PARD3B: variants seen among roughly 807,000 people sequenced by gnomAD.
PARD3B encodes par-3 family cell polarity regulator beta, also known as partitioning defective 3 homolog B.
Under a neutral mutation model 130.2 loss-of-function variants are expected in PARD3B, and 103 were observed. That is an observed-to-expected ratio of 0.79 (90% CI 0.67 to 0.93). PARD3B has a LOEUF of 0.93. Among genes scored for constraint, PARD3B ranks in the 40% least tolerant of loss-of-function variants. The probability of loss-of-function intolerance (pLI) is 0.00; values close to 1 mark genes in which losing one functional copy is unlikely to be tolerated. For synonymous variants in PARD3B, 583 were observed against 553.2 expected, an observed-to-expected ratio of 1.05 and a Z score of -0.76; for missense variants, 1,609 against 1,499.2, an observed-to-expected ratio of 1.07 and a Z score of -1.21.
At chr2:205,138,059 A>G (rs1367857859) in intron 10 of PARD3B, among the ~76,000 whole-genome samples, 2 of 152,196 alleles carry the variant, frequency 1.3e-5, no homozygotes, top group African/African-American at 2.4e-5. Flanking sequence ...GCACTGTTCT[A>G]TAGCCGAATA....
At chr2:204,777,777 CTCTGTATCCCTACCCAAA>C (rs2041684183) in intron 2 of PARD3B, among the ~76,000 whole-genome samples, 1 of 152,070 alleles carries the variant, frequency 6.6e-6, no homozygotes, top group Admixed American at 6.6e-5. Context: ...TATGCTTTGG[CTCTGTATCCCTACCCAAA>C]TCTCATCTTG....
chr2:205,111,493 A>G (rs1169471312), intron 5 of PARD3B, among the ~76,000 whole-genome samples: 1 of 152,088 alleles, frequency 6.6e-6, no homozygotes, highest in East Asian at 1.9e-4. Flanking sequence ...ATTAATGATT[A>G]CTAAAGAGTA....
chr2:204,566,175 A>T (rs2031659754), intron 1 of PARD3B, among the ~76,000 whole-genome samples: 1 of 152,210 alleles, frequency 6.6e-6, no homozygotes. Context: ...TTTAAGCACC[A>T]GTGTTTATTT....
intron 22 of PARD3B, among the ~76,000 whole-genome samples, chr2:205,555,085 A>T (rs1324993877): frequency 6.6e-6 from 1 of 152,166 alleles, no homozygotes; most frequent in Non-Finnish European, 1.5e-5. Context: ...AAGTATATGG[A>T]AATTGTGGTT....
At chr2:205,044,167 G>A (rs1207893188) in intron 3 of PARD3B, among the ~76,000 whole-genome samples, 1 of 151,908 alleles carries the variant, frequency 6.6e-6, no homozygotes, top group African/African-American at 2.4e-5. Flanking sequence ...AGTATTCCAT[G>A]GTGTATACGT....
intron 19 of PARD3B, among the ~76,000 whole-genome samples, chr2:205,439,874 C>A (rs987261381): frequency 6.6e-6 from 1 of 152,160 alleles, no homozygotes; most frequent in Non-Finnish European, 1.5e-5. Flanking sequence ...CTCTGTATTT[C>A]TTTTTCATAT....
chr2:204,996,750 C>G (rs1694223989), intron 3 of PARD3B, among the ~76,000 whole-genome samples: 1 of 149,426 alleles, frequency 6.7e-6, no homozygotes, highest in Non-Finnish European at 1.5e-5. Flanking sequence ...GGGCGTAGGA[C>G]CCTCCGAGCC....
chr2:205,071,780 T>C (rs1700747205), intron 4 of PARD3B, among the ~76,000 whole-genome samples: 1 of 152,186 alleles, frequency 6.6e-6, no homozygotes, highest in Non-Finnish European at 1.5e-5. Flanking sequence ...ATTATTGTTA[T>C]CCAGAATTTC....
intron 15 of PARD3B, among the ~76,000 whole-genome samples, chr2:205,225,544 A>G (rs1239826951): frequency 6.6e-6 from 1 of 152,148 alleles, no homozygotes; most frequent in Non-Finnish European, 1.5e-5. Context: ...TCTCACTCAC[A>G]CTGTTTTAAA....
At position 205,558,230 on chromosome 2, in the gene PARD3B, G is replaced by A. The variant is rs1009219273; in HGVS notation, c.3260+4827G>A. 6.6e-6 allele frequency among the ~76,000 whole-genome samples: 1 copy of A among 152,170 alleles called. No individual in the cohort carries two copies. The highest frequency in any genetic ancestry group is 1.5e-5 in the Non-Finnish European group (1 of 68,030). On this transcript the variant is annotated intron_variant, in intron 22 of 22. Transcript: ENST00000406610. The surrounding 1 kb of genome is among the most constrained non-coding windows in gnomAD (Gnocchi z 4.8). ...TGTCCAGCAAGACTTGGGTGCAGGA[G>A]TAGGCATTGCTCCAGTGGTAGAGGC...
In PARD3B at chr2:205,018,035, G is replaced by A. The variant is rs113423244; in HGVS notation, c.395-29546G>A. On this transcript the variant is annotated intron_variant, in intron 3 of 22. Transcript: ENST00000406610. ...TCCTTAAATGTAAACATATGCTGTT[G>A]CCAGGCACTGTGCTAAACACTGTGA... Among the ~76,000 whole-genome samples the A allele has an allele frequency of 2.9e-3, 445 of 152,256 alleles. 2 individuals are homozygous for A. The highest frequency in any genetic ancestry group is 0.01 in the African/African-American group (421 of 41,552).
chr2:205,032,802 C>T, intron 3 of PARD3B, among the ~76,000 whole-genome samples: 1 of 152,078 alleles, frequency 6.6e-6, no homozygotes, highest in East Asian at 1.9e-4. Flanking sequence ...TTTTTCCAGT[C>T]TTGCCAGGAA....
At chr2:205,545,238 T>G (rs2106471657) in intron 21 of PARD3B, among the ~76,000 whole-genome samples, 1 of 152,342 alleles carries the variant, frequency 6.6e-6, no homozygotes, top group South Asian at 2.1e-4. Flanking sequence ...AGCATTTCCC[T>G]TAGTTCCCCT....
intron 6 of PARD3B, 138 bp from the exon 7 acceptor site, chr2:205,118,783 A>G: frequency 1.5e-6 from 1 of 667,088 alleles, no homozygotes; most frequent in Non-Finnish European, 2.3e-6. Context: ...GGATTAAAAT[A>G]ACAAACAGTT....
rs1329032080 is a variant in PARD3B, at chr2:205,407,092, C to T, written c.2741+5969C>T. Among the ~76,000 whole-genome samples, 1 of 152,098 alleles carries T rather than the reference C, an allele frequency of 6.6e-6. No homozygotes were observed. Among genetic ancestry groups the T allele is most frequent in the African/African-American group, 2.4e-5 (1 of 41,414 alleles). On this transcript the variant is annotated intron_variant, in intron 19 of 22. Transcript: ENST00000406610. This position sits in a 1 kb window ranked among gnomAD's most constrained non-coding sequence, Gnocchi z 4.1. ...AGCATTTACTTTTACTTTTCTAGAG[C>T]AATAATTATTGAACTTGTCATGGCA...
At chr2:205,212,172 A>G (rs1229125082) in intron 15 of PARD3B, among the ~76,000 whole-genome samples, 1 of 146,450 alleles carries the variant, frequency 6.8e-6, no homozygotes, top group Non-Finnish European at 1.5e-5. Context: ...ATATTTGTTA[A>G]TATAAACAGT....
At chr2:204,695,815 A>G (rs1019840614) in intron 2 of PARD3B, among the ~76,000 whole-genome samples, 3 of 152,066 alleles carry the variant, frequency 2.0e-5, no homozygotes, top group Non-Finnish European at 4.4e-5. Context: ...GGTTATGTCA[A>G]AAGGCCACTC....
intron 20 of PARD3B, among the ~76,000 whole-genome samples, chr2:205,455,311 G>T (rs540762154): frequency 6.6e-6 from 1 of 152,190 alleles, no homozygotes; most frequent in African/African-American, 2.4e-5. Flanking sequence ...AATCTTTGCT[G>T]ATGCTAAGAA....
chr2:204,810,113 G>C (rs1033023952), intron 2 of PARD3B, among the ~76,000 whole-genome samples: 1 of 151,872 alleles, frequency 6.6e-6, no homozygotes. Flanking sequence ...AAATTTTGGT[G>C]AATTTGTTTA....
Sources: allele counts gnomAD v4.1 joint callset (sites outside exome capture counted in the v4.1 genomes callset), GRCh38; gene constraint gnomAD v4.1.1; non-coding constraint Gnocchi (gnomAD v3.1); transcripts MANE v1.5; gene names NCBI Gene and HGNC (gene_info 2026-07-23, HGNC 2026-07-21).